Variants in NCKAP5 observed in about 807,000 individuals in gnomAD.
The protein encoded by NCKAP5 is NCK associated protein 5.
NCKAP5 carries 92 observed loss-of-function variants against 167.0 expected under a neutral mutation model. The ratio of observed to expected loss-of-function variants is 0.55; its 90% CI spans 0.47 to 0.66. NCKAP5 has a LOEUF of 0.66. NCKAP5 is among the 30% of genes least tolerant of loss of function. The probability of loss-of-function intolerance (pLI) is 0.00; values close to 1 mark genes in which losing one functional copy is unlikely to be tolerated. For missense variants in NCKAP5, 2,378 were observed against 2,315.0 expected, an observed-to-expected ratio of 1.03 and a Z score of -0.56; for synonymous variants, 891 against 877.4, an observed-to-expected ratio of 1.02 and a Z score of -0.27.
intron 3 of NCKAP5, among the ~76,000 whole-genome samples, chr2:133,321,507 T>G (rs954406163): frequency 6.6e-6 from 1 of 152,168 alleles, no homozygotes; most frequent in Non-Finnish European, 1.5e-5. Flanking sequence ...AAGCTTACAA[T>G]GACAAAACTA....
chr2:132,713,159 A>C (rs575262167), intron 19 of NCKAP5, among the ~76,000 whole-genome samples: 22 of 152,332 alleles, frequency 1.4e-4, no homozygotes, highest in East Asian at 7.7e-4. Flanking sequence ...AACAAAAAAA[A>C]AAATCAATAA....
chr2:132,875,896 C>A (rs1219504920), intron 9 of NCKAP5, among the ~76,000 whole-genome samples: 1 of 152,010 alleles, frequency 6.6e-6, no homozygotes, highest in East Asian at 1.9e-4. Context: ...TAGGTGTGTG[C>A]ACTTGTGGAT....
chr2:133,350,810 A>G (rs537656565), intron 3 of NCKAP5, among the ~76,000 whole-genome samples: 17 of 152,186 alleles, frequency 1.1e-4, no homozygotes, highest in Admixed American at 3.3e-4. Flanking sequence ...GAGGATGCAT[A>G]AAAGCCACAA....
chr2:133,232,474 A>G (rs1177817132), intron 4 of NCKAP5, among the ~76,000 whole-genome samples: 1 of 152,204 alleles, frequency 6.6e-6, no homozygotes, highest in African/African-American at 2.4e-5. Context: ...TAAAAGGTCA[A>G]AGGGAAAACA....
chr2:133,655,886 C>T, the NCKAP5 span, among the ~76,000 whole-genome samples: 3 of 152,160 alleles, frequency 2.0e-5, no homozygotes, highest in Non-Finnish European at 2.9e-5. Context: ...TCTGCCTGTG[C>T]ACTCAAGGCC....
At chr2:133,364,765 T>C (rs2150884027) in intron 3 of NCKAP5, among the ~76,000 whole-genome samples, 1 of 152,152 alleles carries the variant, frequency 6.6e-6, no homozygotes, top group South Asian at 2.1e-4. Context: ...TTTTTTTCTT[T>C]TTTTTTGAGA....
At chr2:133,200,975 T>C (rs1393021946) in intron 5 of NCKAP5, among the ~76,000 whole-genome samples, 1 of 152,208 alleles carries the variant, frequency 6.6e-6, no homozygotes, top group Non-Finnish European at 1.5e-5. Context: ...TATTTTTTTC[T>C]TATAATACAC....
chr2:132,755,786 G>A (rs963757061), intron 16 of NCKAP5, among the ~76,000 whole-genome samples: 10 of 150,710 alleles, frequency 6.6e-5, no homozygotes, highest in South Asian at 2.1e-4. Flanking sequence ...AGCCGAGATC[G>A]TGCCGCTACA....
At chr2:132,695,188 TG>T (rs1160985202) in intron 19 of NCKAP5, among the ~76,000 whole-genome samples, 7 of 152,140 alleles carry the variant, frequency 4.6e-5, no homozygotes, top group Non-Finnish European at 8.8e-5. Context: ...ATATGAATTG[TG>T]GGGGGACATA....
chr2:132,747,842 C>A (rs989101627), intron 16 of NCKAP5, among the ~76,000 whole-genome samples: 1 of 152,162 alleles, frequency 6.6e-6, no homozygotes, highest in Non-Finnish European at 1.5e-5. Flanking sequence ...ATAACTTGCC[C>A]GTAGGCCTAT....
Position 133,320,131 on chromosome 2 carries a change from A to C in NCKAP5, c.70-17021T>G, listed in dbSNP as rs185290600. 7.2e-4 allele frequency among the ~76,000 whole-genome samples: 109 copies of C among 152,320 alleles called. 1 individual carries two copies. The highest frequency in any genetic ancestry group is 2.6e-3 in the African/African-American group (107 of 41,558). ...ATGGAGTGTTGTGCTTTTTGGACTA[A>C]GGCTGTCTCAGCTATCATTAGCCAG... On this transcript the variant is annotated intron_variant, in intron 3 of 19. Coordinates refer to ENST00000409261, the MANE Select transcript of NCKAP5 (RefSeq NM_207363.3).
intron 5 of NCKAP5, among the ~76,000 whole-genome samples, chr2:133,209,587 C>A (rs1037787554): frequency 6.6e-6 from 1 of 151,580 alleles, no homozygotes; most frequent in Non-Finnish European, 1.5e-5. Flanking sequence ...TCTACATATG[C>A]GCTCACTTAG....
intron 6 of NCKAP5, among the ~76,000 whole-genome samples, chr2:132,997,868 C>T (rs1403491190): frequency 6.6e-6 from 1 of 151,924 alleles, no homozygotes; most frequent in Non-Finnish European, 1.5e-5. Flanking sequence ...GAACCCATTG[C>T]TAATACTTGA....
intron 2 of NCKAP5, among the ~76,000 whole-genome samples, chr2:133,537,992 CAGTTATT>C (rs1415753106): frequency 6.6e-6 from 1 of 152,158 alleles, no homozygotes; most frequent in Non-Finnish European, 1.5e-5. Context: ...CAGAAAAACA[CAGTTATT>C]AAGAGACCAA....
chr2:133,417,614 A>C (rs1173393120), intron 3 of NCKAP5, among the ~76,000 whole-genome samples: 1 of 152,212 alleles, frequency 6.6e-6, no homozygotes, highest in Admixed American at 6.5e-5. Flanking sequence ...GAGAGGCCTC[A>C]GTGAGCTTTT....
At chr2:133,037,237 C>T (rs991448527) in intron 6 of NCKAP5, among the ~76,000 whole-genome samples, 8 of 152,070 alleles carry the variant, frequency 5.3e-5, no homozygotes, top group African/African-American at 1.9e-4. Flanking sequence ...AAGGCATCTA[C>T]AGATTCAATG....
chr2:133,284,436 G>C (rs1201219210), intron 4 of NCKAP5, among the ~76,000 whole-genome samples: 1 of 152,134 alleles, frequency 6.6e-6, no homozygotes, highest in African/African-American at 2.4e-5. Flanking sequence ...TAGTATGTGT[G>C]GGTCATGTTA....
In NCKAP5 at chr2:133,058,962, C is replaced by T. The variant is rs569875018; in HGVS notation, c.342-64723G>A. 3.3e-5 allele frequency among the ~76,000 whole-genome samples: 5 copies of T among 152,272 alleles called. No individual in the cohort carries two copies. The South Asian group carries it at 1.0e-3, about 32-fold the overall frequency. ...TTCAGCAACCACCAACCTGATCAAT[C>T]AGCAGCCATCAACACTGAGACAAGA... On this transcript the variant is annotated intron_variant, in intron 6 of 19. Coordinates refer to ENST00000409261, the MANE Select transcript of NCKAP5 (RefSeq NM_207363.3).
chr2:133,506,143 C>G (rs1420370131), intron 3 of NCKAP5, among the ~76,000 whole-genome samples: 4 of 152,222 alleles, frequency 2.6e-5, no homozygotes, highest in African/African-American at 9.7e-5. Context: ...CATCACACAA[C>G]TTTTATCAGG....
Sources: allele counts gnomAD v4.1 joint callset (sites outside exome capture counted in the v4.1 genomes callset), GRCh38; gene constraint gnomAD v4.1.1; transcripts MANE v1.5; gene names NCBI Gene and HGNC (gene_info 2026-07-23, HGNC 2026-07-21).